Variants in CTNND2 observed in about 807,000 individuals in gnomAD.
CTNND2 encodes catenin delta 2.
A neutral mutation model predicts 144.4 loss-of-function variants in CTNND2; 22 were observed. The ratio of observed to expected loss-of-function variants is 0.15; its 90% CI spans 0.11 to 0.22. CTNND2 has a LOEUF of 0.22. Among genes scored for constraint, CTNND2 ranks in the 10% least tolerant of loss-of-function variants. CTNND2 has a pLI of 1.00. For synonymous variants in CTNND2, 751 were observed against 695.6 expected, an observed-to-expected ratio of 1.08 and a Z score of -1.25; for missense variants, 1,353 against 1,618.8, an observed-to-expected ratio of 0.84 and a Z score of 2.82.
intron 16 of CTNND2, among the ~76,000 whole-genome samples, chr5:11,053,286 C>G (rs573016850): frequency 6.6e-6 from 1 of 152,098 alleles, no homozygotes; most frequent in Admixed American, 6.5e-5. Context: ...AAAAAGTTTA[C>G]GTGGTGCTAT....
At position 11,903,381 on chromosome 5, in the gene CTNND2, G is replaced by A; in HGVS notation, c.37+436C>T. 1.0e-5 allele frequency: 10 copies of A among 1,002,664 alleles called. No individual in the cohort carries two copies. The highest frequency in any genetic ancestry group is 9.5e-6 in the Non-Finnish European group (8 of 841,668). The allele number at this position is 1,002,664 out of a possible 1,614,324, so 62.1% of individuals were successfully genotyped here. A position where few individuals can be genotyped will look rare whatever the true frequency, so the allele number is the denominator to read the frequency against. ...TTCCATTTTGTTCTAGCCAAACATC[G>A]TAATGACATTGAACATAAGGGCAAA... is the stretch of plus-strand genomic sequence containing the variant. On this transcript the variant is annotated intron_variant, in intron 1 of 21. Transcript: ENST00000304623. This position sits in a 1 kb window ranked among gnomAD's most constrained non-coding sequence, Gnocchi z 5.4.
At chr5:11,537,815 C>A (rs1200914977) in intron 3 of CTNND2, among the ~76,000 whole-genome samples, 1 of 152,116 alleles carries the variant, frequency 6.6e-6, no homozygotes, top group African/African-American at 2.4e-5. Context: ...ACAAGAAAAG[C>A]AAACTGAATA....
chr5:11,627,044 A>C (rs1267711063), intron 2 of CTNND2, among the ~76,000 whole-genome samples: 1 of 152,288 alleles, frequency 6.6e-6, no homozygotes, highest in East Asian at 1.9e-4. Context: ...AGGTGTTAGG[A>C]AAGTGTTTGA....
chr5:11,051,665 G>T (rs894466269), intron 16 of CTNND2, among the ~76,000 whole-genome samples: 12 of 152,196 alleles, frequency 7.9e-5, no homozygotes, highest in Admixed American at 1.3e-4. Context: ...TTAGAATTAG[G>T]TTTCTTTTTT....
chr5:11,846,092 G>A (rs1794722891), intron 1 of CTNND2, among the ~76,000 whole-genome samples: 1 of 152,088 alleles, frequency 6.6e-6, no homozygotes, highest in Admixed American at 6.5e-5. Flanking sequence ...TGGTGAACTT[G>A]CTTAATGAAA....
chr5:11,200,984 C>T (rs1737378979), intron 10 of CTNND2, among the ~76,000 whole-genome samples: 1 of 149,012 alleles, frequency 6.7e-6, no homozygotes. Context: ...AGGCCATCCC[C>T]AGGCTCTTTC....
intron 10 of CTNND2, among the ~76,000 whole-genome samples, chr5:11,224,817 G>A (rs868300860): frequency 6.6e-6 from 1 of 152,126 alleles, no homozygotes; most frequent in African/African-American, 2.4e-5. Flanking sequence ...TGGATTACAT[G>A]TCCTATCATA....
intron 3 of CTNND2, among the ~76,000 whole-genome samples, chr5:11,417,850 T>C (rs1241528938): frequency 1.3e-5 from 2 of 152,170 alleles, no homozygotes; most frequent in African/African-American, 4.8e-5. Context: ...TACAAGATTG[T>C]TCTTGCCTAC....
chr5:11,461,215 C>T (rs1322078087), intron 3 of CTNND2, among the ~76,000 whole-genome samples: 1 of 151,534 alleles, frequency 6.6e-6, no homozygotes, highest in Non-Finnish European at 1.5e-5. Flanking sequence ...GGAACAAATG[C>T]CCTGAATAAA....
intron 2 of CTNND2, among the ~76,000 whole-genome samples, chr5:11,685,521 C>T (rs1422593444): frequency 6.6e-6 from 1 of 152,172 alleles, no homozygotes; most frequent in Non-Finnish European, 1.5e-5. Context: ...TATAACAATT[C>T]ATTCAAGTAA....
chr5:11,764,523 C>A (rs1009990975), intron 1 of CTNND2, among the ~76,000 whole-genome samples: 2 of 152,140 alleles, frequency 1.3e-5, no homozygotes, highest in Non-Finnish European at 2.9e-5. Context: ...GTCTACTAGT[C>A]CCTGATGCTC....
intron 3 of CTNND2, among the ~76,000 whole-genome samples, chr5:11,516,448 G>T (rs1772173326): frequency 6.6e-6 from 1 of 152,084 alleles, no homozygotes; most frequent in South Asian, 2.1e-4. Context: ...AAACTGCTGA[G>T]AATTCAGAAA....
At chr5:11,454,406 G>A (rs1054246841) in intron 3 of CTNND2, among the ~76,000 whole-genome samples, 4 of 151,752 alleles carry the variant, frequency 2.6e-5, no homozygotes, top group Non-Finnish European at 5.9e-5. Flanking sequence ...GTGACAGAGC[G>A]AGACTCCGTC....
intron 1 of CTNND2, among the ~76,000 whole-genome samples, chr5:11,866,540 C>G (rs1795778223): frequency 6.6e-6 from 1 of 152,162 alleles, no homozygotes; most frequent in South Asian, 2.1e-4. Context: ...ACTGACAGCT[C>G]TGACACAGGA....
intron 3 of CTNND2, among the ~76,000 whole-genome samples, chr5:11,535,753 C>G (rs980646149): frequency 6.6e-6 from 1 of 152,170 alleles, no homozygotes; most frequent in African/African-American, 2.4e-5. Flanking sequence ...GGTTAACTTA[C>G]AAAGATCTTT....
chr5:11,335,014 C>G (rs1753592530), intron 9 of CTNND2, among the ~76,000 whole-genome samples: 1 of 152,204 alleles, frequency 6.6e-6, no homozygotes, highest in Non-Finnish European at 1.5e-5. Context: ...GAATTTCCCA[C>G]TGGTATCTTC....
At chr5:11,875,426 G>C (rs538853595) in intron 1 of CTNND2, among the ~76,000 whole-genome samples, 16 of 152,270 alleles carry the variant, frequency 1.1e-4, no homozygotes, top group Admixed American at 9.8e-4. Flanking sequence ...TTACACATTT[G>C]GGATTAATGA....
At chr5:11,147,659 T>G (rs1342530776) in intron 12 of CTNND2, among the ~76,000 whole-genome samples, 1 of 81,412 alleles carries the variant, frequency 1.2e-5, no homozygotes, top group Non-Finnish European at 2.5e-5. Context: ...ATTCAGCAGT[T>G]GAAAAAAAAA....
At chr5:11,823,518 T>C (rs1329797891) in intron 1 of CTNND2, among the ~76,000 whole-genome samples, 1 of 152,200 alleles carries the variant, frequency 6.6e-6, no homozygotes, top group Non-Finnish European at 1.5e-5. Context: ...TGCTGAATAA[T>C]GATAAAAACG....
Sources: gnomAD v4.1 joint callset for allele counts (sites outside exome capture counted in the v4.1 genomes callset) on GRCh38, gnomAD v4.1.1 for gene constraint, Gnocchi (gnomAD v3.1) non-coding constraint, MANE v1.5 for transcripts, NCBI Gene and HGNC (gene_info 2026-07-23, HGNC 2026-07-21) for gene names.